GRIN2B: variants seen among roughly 807,000 people sequenced by gnomAD.
GRIN2B encodes glutamate ionotropic receptor NMDA type subunit 2B.
A neutral mutation model predicts 114.5 loss-of-function variants in GRIN2B; 5 were observed. That is an observed-to-expected ratio of 0.04 (90% CI 0.02 to 0.09). GRIN2B has a LOEUF of 0.09. GRIN2B is among the 10% of genes least tolerant of loss of function. The pLI is 1.00. For missense variants in GRIN2B, 1,108 were observed against 1,943.5 expected, an observed-to-expected ratio of 0.57 and a Z score of 8.08; for synonymous variants, 787 against 745.1, an observed-to-expected ratio of 1.06 and a Z score of -0.92.
At position 13,963,940 on chromosome 12, in the gene GRIN2B, C is replaced by T. The variant is rs141386196; in HGVS notation, c.-19+15988G>A. ...GTGGGAAAGGTAAAGAGAGAATCCA[C>T]TGAATATCAACTTTGAGAGGGGAGG... On this transcript the variant is annotated intron_variant, in intron 2 of 13. Coordinates refer to ENST00000609686, the MANE Select transcript of GRIN2B (RefSeq NM_000834.5). Among the ~76,000 whole-genome samples, 341 of 152,234 alleles carry T rather than the reference C, an allele frequency of 2.2e-3. 3 individuals carry two copies. Among genetic ancestry groups the T allele is most frequent in the African/African-American group, 7.9e-3 (328 of 41,538 alleles).
intron 3 of GRIN2B, 107 bp downstream of exon 3, chr12:13,865,691 A>G: frequency 1.1e-6 from 1 of 934,386 alleles, no homozygotes; most frequent in Non-Finnish European, 1.8e-6. Context: ...TGTCAATGCA[A>G]TCTGGTTACC....
At chr12:13,975,413 A>G (rs976758528) in intron 2 of GRIN2B, among the ~76,000 whole-genome samples, 4 of 152,254 alleles carry the variant, frequency 2.6e-5, no homozygotes, top group Non-Finnish European at 5.9e-5. Context: ...CACTCTAATC[A>G]ATGGCATGGT....
intron 10 of GRIN2B, among the ~76,000 whole-genome samples, chr12:13,575,266 A>G (rs915768898): frequency 6.6e-6 from 1 of 152,224 alleles, no homozygotes; most frequent in African/African-American, 2.4e-5. Flanking sequence ...TAAGCCACCG[A>G]CTGGGAAGAA....
At position 13,555,739 on chromosome 12, in the gene GRIN2B, T is replaced by G. The variant is rs1948471379; in HGVS notation, c.*7044A>C. Reference sequence around the variant, plus strand: ...AAACACAGTAGGAAAGATTGCCTGTTGAAAGACAGGACATGAACATGAAAG... The same window carrying G: ...AAACACAGTAGGAAAGATTGCCTGTGGAAAGACAGGACATGAACATGAAAG... On this transcript the variant is annotated 3_prime_UTR_variant, in exon 14 of 14. Coordinates refer to ENST00000609686, the MANE Select transcript of GRIN2B (RefSeq NM_000834.5). The G allele has an allele frequency of 6.6e-6, 1 of 152,178 alleles. No individual in the cohort carries two copies. The highest frequency in any genetic ancestry group is 1.5e-5 in the Non-Finnish European group (1 of 68,036). The allele number at this position is 152,178 out of a possible 1,614,324, so 9.4% of individuals were successfully genotyped here.
intron 4 of GRIN2B, among the ~76,000 whole-genome samples, chr12:13,734,564 G>T (rs1056779468): frequency 5.7e-4 from 87 of 152,160 alleles, no homozygotes; most frequent in Admixed American, 5.7e-3. Context: ...ATCAGGTTTT[G>T]TACTCCACGT....
chr12:13,770,366 G>T (rs1459041576), intron 3 of GRIN2B, among the ~76,000 whole-genome samples: 1 of 152,170 alleles, frequency 6.6e-6, no homozygotes, highest in Non-Finnish European at 1.5e-5. Flanking sequence ...GATTCACTTT[G>T]AATATATCAG....
At chr12:13,863,630 T>C (rs1865781884) in intron 3 of GRIN2B, among the ~76,000 whole-genome samples, 1 of 152,182 alleles carries the variant, frequency 6.6e-6, no homozygotes, top group African/African-American at 2.4e-5. Flanking sequence ...ACTAAGCGCC[T>C]AGCATATGGG....
In GRIN2B at chr12:13,714,173, T is replaced by C. The variant is rs148151301; in HGVS notation, c.1011-38314A>G. On this transcript the variant is annotated intron_variant, in intron 4 of 13. Coordinates refer to ENST00000609686, the MANE Select transcript of GRIN2B (RefSeq NM_000834.5). ...TCCCCCACCCACCACTCCTGATGGA[T>C]TGGAGATGTCAGCTTGTCAAGTCTT... Among the ~76,000 whole-genome samples the C allele has an allele frequency of 1.3e-3, 204 of 151,714 alleles. 1 individual carries two copies. Among genetic ancestry groups the C allele is most frequent in the African/African-American group, 4.8e-3 (198 of 41,434 alleles).
chr12:13,964,932 C>A (rs572821263), intron 2 of GRIN2B, among the ~76,000 whole-genome samples: 1 of 152,268 alleles, frequency 6.6e-6, no homozygotes, highest in Admixed American at 6.5e-5. Flanking sequence ...CTGTTCCCAC[C>A]TTTGTTGAGA....
chr12:13,865,790 C>A lies in GRIN2B; in HGVS notation c.411+8G>T. The A allele has an allele frequency of 6.2e-7, 1 of 1,610,910 alleles. No homozygotes were observed. Among genetic ancestry groups the A allele is most frequent in the South Asian group, 1.1e-5 (1 of 91,012 alleles). On this transcript the variant is annotated splice_region_variant and intron_variant, in intron 3 of 13. Coordinates refer to ENST00000609686, the MANE Select transcript of GRIN2B (RefSeq NM_000834.5). ...CCTCAGGCCCTTCTCCCTGCAGCCCCTTTTTACCTTATCTGCCATTATCAT... is the reference window on the plus strand; with the variant it reads ...CCTCAGGCCCTTCTCCCTGCAGCCCATTTTTACCTTATCTGCCATTATCAT...
intron 2 of GRIN2B, among the ~76,000 whole-genome samples, chr12:13,893,789 A>G (rs1866308190): frequency 6.6e-6 from 1 of 152,026 alleles, no homozygotes; most frequent in African/African-American, 2.4e-5. Context: ...AAATCAGCCA[A>G]GAATGAGCAA....
chr12:13,694,832 T>C (rs561774041), intron 4 of GRIN2B, among the ~76,000 whole-genome samples: 2 of 151,412 alleles, frequency 1.3e-5, no homozygotes, highest in South Asian at 4.2e-4. Context: ...GATGAGACAC[T>C]ACTCACATTA....
chr12:13,676,034 C>A (rs878983493), intron 4 of GRIN2B, among the ~76,000 whole-genome samples, 175 bp from the exon 5 acceptor site: 2 of 151,980 alleles, frequency 1.3e-5, no homozygotes, highest in South Asian at 4.2e-4. Flanking sequence ...ATAGAGTCAT[C>A]CAAGTTTTCA....
At chr12:13,587,401 A>C (rs371136096) in intron 10 of GRIN2B, among the ~76,000 whole-genome samples, 24 of 143,950 alleles carry the variant, frequency 1.7e-4, no homozygotes, top group Admixed American at 8.0e-4. Context: ...TCTGTTGCCC[A>C]GGCTGGAGTG....
chr12:13,605,461 T>A (rs1949228155), intron 10 of GRIN2B, among the ~76,000 whole-genome samples: 1 of 150,828 alleles, frequency 6.6e-6, no homozygotes, highest in South Asian at 2.1e-4. Flanking sequence ...ACCCAAGCAT[T>A]GGCCAATGAG....
intron 5 of GRIN2B, among the ~76,000 whole-genome samples, chr12:13,659,485 C>T (rs978985881): frequency 2.0e-5 from 3 of 152,288 alleles, no homozygotes; most frequent in South Asian, 4.1e-4. Context: ...AATCACATCA[C>T]TCTCCCACTC....
chr12:13,888,864 G>A (rs1866210809), intron 2 of GRIN2B, among the ~76,000 whole-genome samples: 1 of 151,738 alleles, frequency 6.6e-6, no homozygotes, highest in Non-Finnish European at 1.5e-5. Context: ...CTCTGAGTGA[G>A]TCAGGGAGTG....
chr12:13,753,196 G>A lies in GRIN2B; in HGVS notation c.1010+121C>T, dbSNP rs1432213999. 2 of 786,688 alleles carry A rather than the reference G, an allele frequency of 2.5e-6. No homozygotes were observed. Among genetic ancestry groups the A allele is most frequent in the Non-Finnish European group, 4.6e-6 (2 of 434,702 alleles). 48.7% of individuals were successfully genotyped at this position (786,688 alleles called of 1,614,324 possible). On this transcript the variant is annotated intron_variant, in intron 4 of 13. Coordinates refer to ENST00000609686, the MANE Select transcript of GRIN2B (RefSeq NM_000834.5). The surrounding 1 kb of genome is among the most constrained non-coding windows in gnomAD (Gnocchi z 6.2). ...ATCATGACCAATTGCCATGCCCAAG[G>A]CCAGGCTTCAACCTGCTACCGTCTT...
At chr12:13,697,426 C>G (rs947406218) in intron 4 of GRIN2B, among the ~76,000 whole-genome samples, 4 of 152,188 alleles carry the variant, frequency 2.6e-5, no homozygotes, top group Non-Finnish European at 5.9e-5. Flanking sequence ...TGTCACCCTA[C>G]TAGCTTTTGG....
Sources: allele counts gnomAD v4.1 joint callset (sites outside exome capture counted in the v4.1 genomes callset), GRCh38; gene constraint gnomAD v4.1.1; non-coding constraint Gnocchi (gnomAD v3.1); transcripts MANE v1.5; gene names NCBI Gene and HGNC (gene_info 2026-07-23, HGNC 2026-07-21).